Variants in MGA observed in about 807,000 individuals in gnomAD.
MGA encodes MAX gene-associated protein.
MGA carries 40 observed loss-of-function variants against 261.1 expected under a neutral mutation model. The observed-to-expected ratio is 0.15, with a 90% confidence interval of 0.12 to 0.20. The LOEUF is 0.20. Ranked by LOEUF, MGA falls within the 10% of genes least tolerant of loss-of-function variation. The pLI is 1.00. For synonymous variants in MGA, 1,302 were observed against 1,290.6 expected (o/e 1.01, Z -0.19); for missense variants, 3,397 against 3,630.5 (o/e 0.94, Z 1.65).
chr15:41,634,493 G>T (rs2150571351), intron 1 of MGA, among the ~76,000 whole-genome samples: 1 of 152,264 alleles, frequency 6.6e-6, no homozygotes, highest in African/African-American at 2.4e-5. Context: ...AAATATTTGT[G>T]TATGTTTATG....
intron 13 of MGA, among the ~76,000 whole-genome samples, chr15:41,737,502 T>G (rs1230466236): frequency 2.0e-5 from 3 of 152,126 alleles, no homozygotes; most frequent in Non-Finnish European, 2.9e-5. Context: ...GAGTAAAAAT[T>G]CAGCCATATT....
chr15:41,758,883 AC>A (rs1234055869), intron 19 of MGA, among the ~76,000 whole-genome samples: 14 of 152,318 alleles, frequency 9.2e-5, no homozygotes, highest in African/African-American at 3.4e-4. Flanking sequence ...ACTGCACAGG[AC>A]AGGAAATATT....
Position 41,645,482 on chromosome 15 carries a change from A to T in MGA, c.-67-23346A>T, listed in dbSNP as rs150309707. ...GCCTGTAATCCCAGTTACTCGGGAG[A>T]CTGAGGAAGGAGAATCTCTTGAACC... On this transcript the variant is annotated intron_variant, in intron 1 of 8. Coordinates refer to the MGA transcript ENST00000566718. Among the ~76,000 whole-genome samples, 59 of 152,218 alleles carry T rather than the reference A, an allele frequency of 3.9e-4. 3 individuals are homozygous for T. The East Asian group carries it at 0.011, about 29-fold the overall frequency.
rs201852824 is a variant in MGA, at chr15:41,763,743, G to GAAACA, written c.7745-1119_7745-1115dup. Among the ~76,000 whole-genome samples, 873 of 152,034 alleles carry GAAACA rather than the reference G, an allele frequency of 5.7e-3. 10 individuals carry two copies. Among genetic ancestry groups the GAAACA allele is most frequent in the African/African-American group, 0.019 (794 of 41,462 alleles). On this transcript the variant is annotated intron_variant, in intron 22 of 23. Coordinates refer to ENST00000219905, the MANE Select transcript of MGA (RefSeq NM_001164273.2). ...GGGCAACAAGCACGAAACTCTGTCT[G>GAAACA]AAACAAAACAAAACAAAACAAAACA...
chr15:41,711,304 A>G lies in MGA; in HGVS notation c.3039A>G (p.Thr1013=). ...AAGGAAAACCAAGGACATACATCAC[A>G]GAAGAGCGAGCAGATGTATCCTTAA... Residue 1013 remains threonine (T), a synonymous_variant, in exon 8 of 24, where the codon ACA becomes ACG. Coordinates refer to ENST00000219905, the MANE Select transcript of MGA (RefSeq NM_001164273.2). 3 of 1,613,518 alleles carry G rather than the reference A, an allele frequency of 1.9e-6. No individual in the cohort carries two copies. The highest frequency in any genetic ancestry group is 2.5e-6 in the Non-Finnish European group (3 of 1,179,718).
chr15:41,716,913 T>C (rs1198312202), intron 9 of MGA, among the ~76,000 whole-genome samples: 1 of 152,136 alleles, frequency 6.6e-6, no homozygotes, highest in Non-Finnish European at 1.5e-5. Flanking sequence ...GACTTAAAAA[T>C]TTTTTTGTAA....
chr15:41,760,283 A>T (rs2151989321), intron 19 of MGA, 40 bp from the exon 20 acceptor site: 1 of 1,594,370 alleles, frequency 6.3e-7, no homozygotes, highest in Non-Finnish European at 8.6e-7. Flanking sequence ...AGGGCCAACT[A>T]CATGTTCAAG....
At chr15:41,703,605 G>A (rs903996148) in intron 5 of MGA, among the ~76,000 whole-genome samples, 5 of 152,122 alleles carry the variant, frequency 3.3e-5, no homozygotes, top group African/African-American at 1.2e-4. Context: ...TACTGGGTGT[G>A]GTGGTGCGTG....
intron 2 of MGA, among the ~76,000 whole-genome samples, chr15:41,694,972 T>TA (rs913994709): frequency 3.4e-4 from 52 of 151,310 alleles, no homozygotes; most frequent in African/African-American, 1.1e-3. Context: ...TTGAACTATT[T>TA]AAAAAAAAAT....
At chr15:41,762,460 G>GGTTTTTT (rs2063520788) in intron 22 of MGA, 98 bp downstream of exon 22, 2 of 190,528 alleles carry the variant, frequency 1.0e-5, no homozygotes, top group East Asian at 3.8e-4. Flanking sequence ...AGTTTTGTGT[G>GGTTTTTT]GTTTTTTTTT....
intron 1 of MGA, among the ~76,000 whole-genome samples, chr15:41,626,499 T>C (rs1291412461): frequency 2.0e-5 from 3 of 152,168 alleles, no homozygotes; most frequent in Admixed American, 6.6e-5. Context: ...CTCACCTCAC[T>C]GCAATCTCTG....
In MGA at chr15:41,766,630, T is replaced by C. The variant is rs1446542198; in HGVS notation, c.8548T>C (p.Ser2850Pro). 1.2e-6 allele frequency: 2 copies of C among 1,613,894 alleles called. No individual in the cohort carries two copies. Among genetic ancestry groups the C allele is most frequent in the Non-Finnish European group, 1.7e-6 (2 of 1,179,912 alleles). ...TGTTGGCCTGGCTGAACTACCCAGC[T>C]CTATGGATACAGAGTTCCCAGGGGA... The change falls in exon 24 of 24, where the codon TCT (serine) becomes CCT (proline). Residue 2850 changes from serine (S) to proline (P), a missense_variant. Around this residue, in one of 9 missense-constraint regions of MGA, gnomAD observed 647 missense variants for 642.4 expected, o/e 1.01. Transcript: ENST00000219905.
chr15:41,649,355 C>G (rs1247641084), intron 1 of MGA, among the ~76,000 whole-genome samples: 1 of 146,816 alleles, frequency 6.8e-6, no homozygotes, highest in East Asian at 2.0e-4. Flanking sequence ...GCACTCCAGC[C>G]TGGACAACAG....
At chr15:41,725,204 A>G (rs1030683446) in intron 9 of MGA, among the ~76,000 whole-genome samples, 5 of 152,224 alleles carry the variant, frequency 3.3e-5, no homozygotes, top group African/African-American at 1.2e-4. Flanking sequence ...TGGGCGTAGT[A>G]GCTCATGCCT....
intron 1 of MGA, among the ~76,000 whole-genome samples, chr15:41,644,361 A>C (rs1055118533): frequency 3.0e-4 from 46 of 151,106 alleles, no homozygotes; most frequent in African/African-American, 1.1e-3. Flanking sequence ...AAAAAAAAAA[A>C]AAAAAAAAAG....
chr15:41,628,923 A>G (rs2056524580), intron 1 of MGA, among the ~76,000 whole-genome samples: 1 of 152,154 alleles, frequency 6.6e-6, no homozygotes, highest in Non-Finnish European at 1.5e-5. Context: ...GTGGATCATG[A>G]GGTCAGGAGA....
At chr15:41,656,118 G>A (rs1423187890), upstream of MGA, among the ~76,000 whole-genome samples, 1 of 152,110 alleles carries the variant, frequency 6.6e-6, no homozygotes, top group African/African-American at 2.4e-5. Flanking sequence ...AAGAAATACA[G>A]GGTACTATGA....
chr15:41,636,921 C>T (rs1457588013), intron 1 of MGA, among the ~76,000 whole-genome samples: 1 of 152,006 alleles, frequency 6.6e-6, no homozygotes, highest in Non-Finnish European at 1.5e-5. Flanking sequence ...TGGAACCAGT[C>T]CCCATAAATA....
At chr15:41,692,321 C>T (rs558456562) in intron 2 of MGA, among the ~76,000 whole-genome samples, 1 of 152,330 alleles carries the variant, frequency 6.6e-6, no homozygotes, top group East Asian at 1.9e-4. Context: ...GTTTGTTCTG[C>T]AGAAGTCCTC....
Sources: allele counts gnomAD v4.1 joint callset (sites outside exome capture counted in the v4.1 genomes callset), GRCh38; gene constraint gnomAD v4.1.1; regional missense constraint gnomAD v4.1.1; transcripts MANE v1.5; gene names NCBI Gene and HGNC (gene_info 2026-07-23, HGNC 2026-07-21).